CTNNA2: variants seen among roughly 807,000 people sequenced by gnomAD.
CTNNA2 encodes the protein catenin alpha 2.
Under a neutral mutation model 101.0 loss-of-function variants are expected in CTNNA2, and 42 were observed. The ratio of observed to expected loss-of-function variants is 0.42; its 90% confidence interval spans 0.32 to 0.54. The LOEUF is 0.54. Among genes scored for constraint, CTNNA2 ranks in the 20% least tolerant of loss-of-function variants. The probability of loss-of-function intolerance (pLI) is 0.14; values close to 1 mark genes in which losing one functional copy is unlikely to be tolerated. For missense variants in CTNNA2, 871 were observed against 1,223.1 expected, an observed-to-expected ratio of 0.71 and a Z score of 4.29; for synonymous variants, 450 against 456.4, an observed-to-expected ratio of 0.99 and a Z score of 0.18.
chr2:80,473,914 A>G (rs572184673), intron 9 of CTNNA2, among the ~76,000 whole-genome samples: 1 of 152,174 alleles, frequency 6.6e-6, no homozygotes, highest in Non-Finnish European at 1.5e-5. Flanking sequence ...TAACATTAAA[A>G]ATCAGAGTTT....
intron 7 of CTNNA2, among the ~76,000 whole-genome samples, chr2:80,146,110 G>A (rs1379817218): frequency 6.6e-6 from 1 of 152,166 alleles, no homozygotes; most frequent in Non-Finnish European, 1.5e-5. Flanking sequence ...GCCATGCAGA[G>A]GAGCACTGAG....
chr2:79,503,298 G>A (rs1573196821), intron 4 of CTNNA2, among the ~76,000 whole-genome samples: 1 of 152,224 alleles, frequency 6.6e-6, no homozygotes, highest in East Asian at 1.9e-4. Flanking sequence ...CATATATGAT[G>A]TCTAATAAGA....
chr2:79,884,943 T>A (rs923639352), intron 6 of CTNNA2, among the ~76,000 whole-genome samples: 1 of 152,062 alleles, frequency 6.6e-6, no homozygotes, highest in Non-Finnish European at 1.5e-5. Context: ...AATTGTCTAC[T>A]GGGGGAGCAC....
chr2:80,349,309 G>A (rs1278416928), intron 7 of CTNNA2, among the ~76,000 whole-genome samples: 1 of 152,150 alleles, frequency 6.6e-6, no homozygotes, highest in African/African-American at 2.4e-5. Flanking sequence ...ATGGCTTCAT[G>A]TTTCTCCATA....
intron 9 of CTNNA2, among the ~76,000 whole-genome samples, chr2:80,448,534 C>T (rs1683243068): frequency 6.6e-6 from 1 of 152,128 alleles, no homozygotes; most frequent in African/African-American, 2.4e-5. Flanking sequence ...TGGGTCTCAC[C>T]CCTAGAGATG....
intron 1 of CTNNA2, among the ~76,000 whole-genome samples, chr2:79,642,217 T>C (rs1472749842): frequency 6.6e-6 from 1 of 152,214 alleles, no homozygotes; most frequent in Non-Finnish European, 1.5e-5. Context: ...CAGCACTTCT[T>C]TGAGTGTTTT....
intron 7 of CTNNA2, among the ~76,000 whole-genome samples, chr2:80,078,569 A>G (rs1698913699): frequency 6.6e-6 from 1 of 152,190 alleles, no homozygotes; most frequent in Admixed American, 6.5e-5. Flanking sequence ...TGGGTTGCAG[A>G]TGTCGCTATG....
intron 9 of CTNNA2, among the ~76,000 whole-genome samples, chr2:80,467,354 C>A (rs576555794): frequency 1.9e-4 from 29 of 152,174 alleles, no homozygotes; most frequent in Non-Finnish European, 3.5e-4. Context: ...CTGCATTGTA[C>A]CTGCATTAAT....
At chr2:80,142,594 T>A (rs78402436) in intron 7 of CTNNA2, among the ~76,000 whole-genome samples, 2,633 of 152,300 alleles carry the variant, frequency 0.017, 39 homozygotes, top group Non-Finnish European at 0.022. Flanking sequence ...ATACCCTGTG[T>A]GTAGCTGAGA....
At chr2:80,179,801 T>C (rs1705654072) in intron 7 of CTNNA2, among the ~76,000 whole-genome samples, 1 of 152,182 alleles carries the variant, frequency 6.6e-6, no homozygotes. Flanking sequence ...GGCTTCCATT[T>C]GGCCTTTCCC....
chr2:79,907,353 A>G (rs1685495903), intron 6 of CTNNA2, among the ~76,000 whole-genome samples: 2 of 111,920 alleles, frequency 1.8e-5, no homozygotes, highest in South Asian at 5.5e-4. Flanking sequence ...ACACACACAT[A>G]CATATATACA....
At chr2:79,727,519 T>C (rs900686776) in intron 2 of CTNNA2, among the ~76,000 whole-genome samples, 5 of 152,194 alleles carry the variant, frequency 3.3e-5, no homozygotes, top group African/African-American at 1.2e-4. Flanking sequence ...CCATTTATTT[T>C]AGTCTATCTC....
chr2:79,727,030 A>G (rs927274013), intron 2 of CTNNA2, among the ~76,000 whole-genome samples: 1 of 152,256 alleles, frequency 6.6e-6, no homozygotes, highest in African/African-American at 2.4e-5. Flanking sequence ...AATTAGTCCA[A>G]TTAAACACCT....
rs754974251 is a variant in CTNNA2, at chr2:80,581,721, G to C, written c.1909G>C (p.Glu637Gln). The C allele has an allele frequency of 2.5e-6, 4 of 1,609,980 alleles. No individual in the cohort carries two copies. Among genetic ancestry groups the C allele is most frequent in the Admixed American group, 3.3e-5 (2 of 59,906 alleles). Residue 637 changes from glutamate (E) to glutamine (Q), a missense_variant, in exon 14 of 19, where the codon GAG becomes CAG. By Grantham distance (29) the Glu-to-Gln change is conservative (BLOSUM62 2). This residue lies in a region of CTNNA2 where 647 missense variants were observed against 831.5 expected (regional missense o/e 0.78). Transcript: ENST00000402739. ...TTGTCTTTAGACCCCAGAAGAACTA[G>C]AGGATGATTCTGACTTTGAGCAGGA... ...VLMIRTPEEL[E>Q]DDSDFEQEDY...
intron 9 of CTNNA2, among the ~76,000 whole-genome samples, chr2:80,437,703 A>T (rs1003630480): frequency 6.6e-6 from 1 of 152,228 alleles, no homozygotes; most frequent in Non-Finnish European, 1.5e-5. Flanking sequence ...TGCCATTAAA[A>T]CATACCACAC....
intron 18 of CTNNA2, among the ~76,000 whole-genome samples, chr2:80,632,731 C>T (rs955456619): frequency 2.0e-5 from 3 of 151,996 alleles, no homozygotes; most frequent in South Asian, 4.2e-4. Context: ...ACTGAGGCAC[C>T]GAGGAGTTCT....
chr2:80,488,288 T>C (rs961437167), intron 9 of CTNNA2, among the ~76,000 whole-genome samples: 1 of 152,184 alleles, frequency 6.6e-6, no homozygotes, highest in Non-Finnish European at 1.5e-5. Context: ...AAACTGATTA[T>C]ATTTTTTTGT....
chr2:80,220,602 A>G (rs529113801), intron 7 of CTNNA2, among the ~76,000 whole-genome samples: 3 of 152,122 alleles, frequency 2.0e-5, no homozygotes, highest in Non-Finnish European at 4.4e-5. Flanking sequence ...CTTCTTTGGG[A>G]TGGCCTTCAT....
intron 1 of CTNNA2, among the ~76,000 whole-genome samples, chr2:79,586,939 G>C (rs567456791): frequency 9.2e-5 from 14 of 152,086 alleles, no homozygotes; most frequent in African/African-American, 2.9e-4. Context: ...CCATTGCTGA[G>C]TTACTTCACT....
Sources: allele counts gnomAD v4.1 joint callset (sites outside exome capture counted in the v4.1 genomes callset), GRCh38; gene constraint gnomAD v4.1.1; regional missense constraint gnomAD v4.1.1; transcripts MANE v1.5; gene names NCBI Gene and HGNC (gene_info 2026-07-23, HGNC 2026-07-21).